Variants in RPS6KC1 observed in about 807,000 individuals in gnomAD.
RPS6KC1 encodes the protein ribosomal protein S6 kinase C1, also known as inactive ribosomal protein S6 kinase delta-1.
In RPS6KC1, 54 loss-of-function variants were observed where a neutral mutation model predicts 103.8. That is an observed-to-expected ratio of 0.52 (90% CI 0.42 to 0.65). The LOEUF (loss-of-function observed/expected upper bound fraction) is 0.65, where lower values mean the gene tolerates loss of function less well. RPS6KC1 is among the 30% of genes least tolerant of loss of function. The pLI, the probability that RPS6KC1 is intolerant of heterozygous loss-of-function variation, is 0.00. For synonymous variants in RPS6KC1, 439 were observed against 438.7 expected, an observed-to-expected ratio of 1.00 and a Z score of -0.01; for missense variants, 1,151 against 1,253.8, an observed-to-expected ratio of 0.92 and a Z score of 1.24.
At chr1:213,447,886 C>T in the RPS6KC1 span, among the ~76,000 whole-genome samples, 176 of 152,158 alleles carry the variant, frequency 1.2e-3, 1 homozygote, top group East Asian at 0.03. Context: ...AACTATATTA[C>T]GTGTTTTTTT....
At chr1:213,104,406 AGT>A (rs1232252159) in intron 3 of RPS6KC1, 46 bp from the exon 4 acceptor site, 4 of 1,210,654 alleles carry the variant, frequency 3.3e-6, no homozygotes, top group Non-Finnish European at 4.9e-6. Flanking sequence ...ATCATAAACC[AGT>A]GTTTGATCAT....
chr1:213,436,869 C>G, the RPS6KC1 span, among the ~76,000 whole-genome samples: 2 of 152,016 alleles, frequency 1.3e-5, no homozygotes, highest in African/African-American at 4.8e-5. Context: ...TGTCAGTGGC[C>G]TTGATGAACT....
the RPS6KC1 span, among the ~76,000 whole-genome samples, chr1:213,634,806 A>AT: frequency 6.6e-6 from 1 of 151,058 alleles, no homozygotes; most frequent in Non-Finnish European, 1.5e-5. Flanking sequence ...AAAAAAAAAA[A>AT]CCCTTCAAAA....
the RPS6KC1 span, among the ~76,000 whole-genome samples, chr1:213,692,400 A>AAAT: frequency 4.1e-4 from 63 of 151,938 alleles, 1 homozygote; most frequent in East Asian, 7.0e-3. Flanking sequence ...AAAAAAAAAA[A>AAAT]AAATAAATAA....
the RPS6KC1 span, among the ~76,000 whole-genome samples, chr1:213,316,895 T>C: frequency 6.6e-6 from 1 of 152,108 alleles, no homozygotes; most frequent in Non-Finnish European, 1.5e-5. Context: ...CTTGGTGTTA[T>C]CTGAGAAGCT....
the RPS6KC1 span, among the ~76,000 whole-genome samples, chr1:213,497,452 A>C: frequency 6.6e-6 from 1 of 152,240 alleles, no homozygotes; most frequent in Non-Finnish European, 1.5e-5. Flanking sequence ...AAATTAAGAA[A>C]ATAACAACAC....
chr1:213,252,170 A>G (rs919388920), intron 12 of RPS6KC1, among the ~76,000 whole-genome samples: 2 of 152,238 alleles, frequency 1.3e-5, no homozygotes, highest in African/African-American at 4.8e-5. Flanking sequence ...CTTTATACAC[A>G]GCAAGAGCTG....
the RPS6KC1 span, among the ~76,000 whole-genome samples, chr1:213,458,779 A>G: frequency 1.3e-5 from 2 of 152,160 alleles, no homozygotes; most frequent in Non-Finnish European, 2.9e-5. Context: ...TTTGAGATAC[A>G]TTCCGTCAAT....
chr1:213,238,030 C>T (rs954730886), intron 10 of RPS6KC1, among the ~76,000 whole-genome samples: 6 of 151,952 alleles, frequency 3.9e-5, no homozygotes, highest in Admixed American at 2.6e-4. Context: ...CTTTTTATAA[C>T]TCAGTTTAAT....
At chr1:213,132,169 C>T (rs1271477532) in intron 6 of RPS6KC1, among the ~76,000 whole-genome samples, 2 of 152,200 alleles carry the variant, frequency 1.3e-5, no homozygotes, top group Non-Finnish European at 2.9e-5. Context: ...ACCAAACCTA[C>T]TAGACTGCTA....
chr1:213,506,693 A>G, the RPS6KC1 span, among the ~76,000 whole-genome samples: 46 of 152,238 alleles, frequency 3.0e-4, no homozygotes, highest in Admixed American at 2.9e-3. Flanking sequence ...CTGAATATCA[A>G]TGTATCAATG....
At chr1:213,066,454 T>G (rs2078340155) in intron 1 of RPS6KC1, among the ~76,000 whole-genome samples, 1 of 152,230 alleles carries the variant, frequency 6.6e-6, no homozygotes, top group Non-Finnish European at 1.5e-5. Context: ...TAGTTCCTTT[T>G]GTAAGCCTAA....
the RPS6KC1 span, among the ~76,000 whole-genome samples, chr1:213,634,208 T>A: frequency 1.6e-3 from 240 of 152,274 alleles, 1 homozygote; most frequent in African/African-American, 5.7e-3. Flanking sequence ...GGACTTGAAC[T>A]CAGCTCTGCA....
chr1:213,405,401 G>A, the RPS6KC1 span, among the ~76,000 whole-genome samples: 1 of 152,210 alleles, frequency 6.6e-6, no homozygotes. Flanking sequence ...ATTGTCCATG[G>A]CAGGGATCCT....
chr1:213,733,927 G>A, the RPS6KC1 span, among the ~76,000 whole-genome samples: 2 of 152,210 alleles, frequency 1.3e-5, no homozygotes, highest in African/African-American at 2.4e-5. Context: ...CTGCAAATAA[G>A]TCAAGGCTCA....
the RPS6KC1 span, among the ~76,000 whole-genome samples, chr1:213,327,264 G>GAAAGAAAGAAAGA: frequency 8.6e-5 from 13 of 151,564 alleles, no homozygotes; most frequent in Non-Finnish European, 1.9e-4. Flanking sequence ...AAGAAAGAAA[G>GAAAGAAAGAAAGA]AAGCTCTATT....
chr1:213,201,663 C>T (rs897198992), intron 8 of RPS6KC1, among the ~76,000 whole-genome samples: 3 of 152,112 alleles, frequency 2.0e-5, no homozygotes, highest in South Asian at 2.1e-4. Context: ...TTCTTAGTTG[C>T]GGAGGTTGTG....
the RPS6KC1 span, among the ~76,000 whole-genome samples, chr1:213,500,817 T>C: frequency 6.6e-6 from 1 of 152,218 alleles, no homozygotes; most frequent in Non-Finnish European, 1.5e-5. Context: ...AGTAAAAATA[T>C]TTTAGAATGA....
chr1:213,508,852 G>T, the RPS6KC1 span, among the ~76,000 whole-genome samples: 13 of 152,150 alleles, frequency 8.5e-5, no homozygotes, highest in African/African-American at 3.1e-4. Flanking sequence ...TGTTTAGCAG[G>T]TGGATGCTGG....
Sources: gnomAD v4.1 joint callset for allele counts (sites outside exome capture counted in the v4.1 genomes callset) on GRCh38, gnomAD v4.1.1 for gene constraint, MANE v1.5 for transcripts, NCBI Gene and HGNC (gene_info 2026-07-23, HGNC 2026-07-21) for gene names.